SUPT3H: variants seen among roughly 807,000 people sequenced by gnomAD.
The protein encoded by SUPT3H is SPT3 homolog, SAGA and STAGA complex component.
A neutral mutation model predicts 44.3 loss-of-function variants in SUPT3H; 44 were observed. The observed-to-expected ratio is 0.99, with a 90% CI of 0.78 to 1.28. The LOEUF is 1.28. Ranked by LOEUF, SUPT3H falls within the 50% of genes most tolerant of loss-of-function variation. The pLI, the probability that SUPT3H is intolerant of heterozygous loss-of-function variation, is 0.00. For synonymous variants in SUPT3H, 124 were observed against 125.6 expected (o/e 0.99, Z 0.09); for missense variants, 380 against 387.1 (o/e 0.98, Z 0.15).
chr6:45,071,858 T>C (rs1474251623), intron 3 of SUPT3H, among the ~76,000 whole-genome samples: 1 of 152,134 alleles, frequency 6.6e-6, no homozygotes, highest in Non-Finnish European at 1.5e-5. Flanking sequence ...ACCAAAGAAA[T>C]GCAAGGCTGT....
chr6:45,310,547 C>T (rs1783776988), intron 2 of SUPT3H, among the ~76,000 whole-genome samples: 1 of 152,174 alleles, frequency 6.6e-6, no homozygotes, highest in African/African-American at 2.4e-5. Context: ...ACCACCTCCA[C>T]CAGAACAGGC....
At chr6:45,037,199 C>T (rs998385159) in intron 3 of SUPT3H, among the ~76,000 whole-genome samples, 4 of 151,280 alleles carry the variant, frequency 2.6e-5, no homozygotes, top group Admixed American at 6.6e-5. Context: ...AAAACGATGA[C>T]CAATAAATTA....
intron 5 of SUPT3H, among the ~76,000 whole-genome samples, chr6:45,009,743 T>G (rs746185587): frequency 1.6e-4 from 25 of 152,208 alleles, no homozygotes; most frequent in Non-Finnish European, 3.2e-4. Context: ...TCAGTAAGCA[T>G]GAGTCCTCTG....
At chr6:45,181,200 A>G (rs1018737249) in intron 2 of SUPT3H, among the ~76,000 whole-genome samples, 2 of 106,980 alleles carry the variant, frequency 1.9e-5, no homozygotes, top group African/African-American at 7.7e-5. Context: ...GGCAATCATT[A>G]AAAAGTCAGG....
At chr6:45,284,154 AT>A (rs1461544321) in intron 2 of SUPT3H, among the ~76,000 whole-genome samples, 2 of 152,218 alleles carry the variant, frequency 1.3e-5, no homozygotes, top group African/African-American at 4.8e-5. Context: ...AAGATCTAAA[AT>A]TGACACCCTA....
chr6:44,971,938 A>G (rs185436151), intron 6 of SUPT3H, among the ~76,000 whole-genome samples: 1,688 of 150,870 alleles, frequency 0.011, 17 homozygotes, highest in Non-Finnish European at 0.017. Context: ...ACACCCGGCT[A>G]ATTTTTTTTG....
intron 4 of SUPT3H, among the ~76,000 whole-genome samples, chr6:45,015,231 C>A (rs973535151): frequency 6.6e-6 from 1 of 152,120 alleles, no homozygotes; most frequent in Non-Finnish European, 1.5e-5. Flanking sequence ...CTAGATGGAA[C>A]AGTCTAATGC....
intron 2 of SUPT3H, among the ~76,000 whole-genome samples, chr6:45,216,119 C>T (rs907786767): frequency 6.6e-6 from 1 of 152,044 alleles, no homozygotes; most frequent in African/African-American, 2.4e-5. Context: ...TATACACATT[C>T]CCAGACTAGA....
chr6:45,280,874 A>G (rs1021883164), intron 2 of SUPT3H, among the ~76,000 whole-genome samples: 10 of 152,224 alleles, frequency 6.6e-5, no homozygotes, highest in South Asian at 2.1e-4. Flanking sequence ...ACATTCCTAA[A>G]TATTTAAAAC....
rs542184286 is a variant in SUPT3H at position 45,267,893 on chromosome 6, A to G, written c.101+97308T>C. ...AGTAGCACCAACCCAGCCTACCCAC[A>G]CATCTGCAATGCGAGGCAGAGCTGC... is the stretch of plus-strand genomic sequence containing the variant. On this transcript the variant is annotated intron_variant, in intron 2 of 10. Coordinates refer to ENST00000371459, the MANE Select transcript of SUPT3H (RefSeq NM_003599.4). Among the ~76,000 whole-genome samples the G allele has an allele frequency of 1.1e-4, 16 of 152,312 alleles. No individual in the cohort carries two copies. In the East Asian group the frequency reaches 3.1e-3, roughly 29 times the overall value.
At chr6:45,278,759 T>C (rs2153665140) in intron 2 of SUPT3H, among the ~76,000 whole-genome samples, 1 of 152,332 alleles carries the variant, frequency 6.6e-6, no homozygotes, top group East Asian at 1.9e-4. Flanking sequence ...CTGTGACTTG[T>C]TCAATACAGA....
intron 5 of SUPT3H, among the ~76,000 whole-genome samples, chr6:45,008,032 A>G (rs1372833817): frequency 6.6e-6 from 1 of 152,176 alleles, no homozygotes; most frequent in Non-Finnish European, 1.5e-5. Context: ...TTTTATAGCC[A>G]AATAATATTC....
At chr6:44,847,485 G>A (rs534158895) in intron 10 of SUPT3H, among the ~76,000 whole-genome samples, 1 of 151,570 alleles carries the variant, frequency 6.6e-6, no homozygotes, top group East Asian at 1.9e-4. Context: ...ACAGTTATGG[G>A]AAGATTTTTT....
intron 2 of SUPT3H, among the ~76,000 whole-genome samples, chr6:45,358,451 T>G (rs1231163608): frequency 6.6e-6 from 1 of 152,194 alleles, no homozygotes; most frequent in Non-Finnish European, 1.5e-5. Flanking sequence ...AAATCCTTTC[T>G]TCTCTATAAT....
intron 1 of SUPT3H, among the ~76,000 whole-genome samples, chr6:45,374,885 CA>C (rs1276469117): frequency 2.0e-5 from 3 of 152,160 alleles, no homozygotes; most frequent in African/African-American, 7.2e-5. Flanking sequence ...TATTTAGACA[CA>C]AAAACAGTAA....
chr6:44,969,086 G>A (rs1562161605), intron 6 of SUPT3H, among the ~76,000 whole-genome samples: 2 of 152,086 alleles, frequency 1.3e-5, no homozygotes, highest in Admixed American at 6.6e-5. Context: ...AGTTTGTCCA[G>A]TTTACACTGA....
intron 2 of SUPT3H, among the ~76,000 whole-genome samples, chr6:45,200,553 T>C (rs191652504): frequency 2.0e-3 from 302 of 151,656 alleles, no homozygotes; most frequent in African/African-American, 6.6e-3. Flanking sequence ...ATAGTACTTA[T>C]GATGTGCAAA....
intron 2 of SUPT3H, among the ~76,000 whole-genome samples, chr6:45,323,453 C>T (rs1445090556): frequency 1.3e-5 from 2 of 151,932 alleles, no homozygotes; most frequent in Non-Finnish European, 2.9e-5. Context: ...AACCTCCCTA[C>T]AGTAAAGCAC....
At chr6:44,930,942 A>G (rs1292379285) in intron 10 of SUPT3H, among the ~76,000 whole-genome samples, 1 of 152,212 alleles carries the variant, frequency 6.6e-6, no homozygotes, top group African/African-American at 2.4e-5. Flanking sequence ...TAACAGTCTT[A>G]GATTGTAAAA....
Sources: gnomAD v4.1 joint callset for allele counts (sites outside exome capture counted in the v4.1 genomes callset) on GRCh38, gnomAD v4.1.1 for gene constraint, MANE v1.5 for transcripts, NCBI Gene and HGNC (gene_info 2026-07-23, HGNC 2026-07-21) for gene names.